The following TRIM16 variants were observed in gnomAD, a reference collection of about 807,000 sequenced individuals.
TRIM16 encodes tripartite motif-containing protein 16.
In TRIM16, 33 loss-of-function variants were observed where a neutral mutation model predicts 50.4. That is an observed-to-expected ratio of 0.65 (90% confidence interval 0.50 to 0.88). TRIM16 has a LOEUF of 0.88. Ranked by LOEUF, TRIM16 falls within the 40% of genes least tolerant of loss-of-function variation. The pLI is 0.00. For missense variants in TRIM16, 581 were observed against 686.8 expected (o/e 0.85, Z 1.72); for synonymous variants, 229 against 270.7 (o/e 0.85, Z 1.51).
At chr17:15,675,237 A>C (rs1988877695) in intron 6 of TRIM16, among the ~76,000 whole-genome samples, 1 of 152,206 alleles carries the variant, frequency 6.6e-6, no homozygotes, top group African/African-American at 2.4e-5. Context: ...TTTGCAAGAG[A>C]AAATAACCAG....
intron 6 of TRIM16, among the ~76,000 whole-genome samples, chr17:15,659,503 T>G (rs915989649): frequency 6.6e-6 from 1 of 152,214 alleles, no homozygotes; most frequent in African/African-American, 2.4e-5. Flanking sequence ...TGACATTTTA[T>G]GCGGCACATA....
Position 15,632,805 on chromosome 17 carries a change from ATGTGAAG to A in TRIM16, c.850-138_850-132del, listed in dbSNP as rs58243132. The A allele has an allele frequency of 7.5e-3, 9,439 of 1,254,032 alleles. 522 individuals are homozygous for A. The African/African-American group carries it at 0.13, about 17-fold the overall frequency. The allele number at this position is 1,254,032 out of a possible 1,614,324, so 77.7% of individuals were successfully genotyped here. A position where few individuals can be genotyped will look rare whatever the true frequency, so the allele number is the denominator to read the frequency against. ...AATGTGTCCTTCACAAAGAAAGTAC[ATGTGAAG>A]TGTCAAGCTCAGGGTCTAACAAAAT... On this transcript the variant is annotated intron_variant, in intron 9 of 11. Transcript: ENST00000649191.
intron 6 of TRIM16, among the ~76,000 whole-genome samples, chr17:15,671,364 A>G (rs1286277440): frequency 2.8e-5 from 4 of 141,200 alleles, no homozygotes; most frequent in Admixed American, 7.3e-5. Context: ...ATAATTTTAT[A>G]GTATTCTTAA....
intron 6 of TRIM16, chr17:15,658,711 A>T (rs1438369706): frequency 2.1e-5 from 16 of 764,708 alleles, no homozygotes; most frequent in Non-Finnish European, 2.5e-5. Flanking sequence ...TCACTTTGCA[A>T]TTTTTCTCGT....
chr17:15,666,420 T>C (rs898925022), intron 6 of TRIM16, among the ~76,000 whole-genome samples: 7 of 152,160 alleles, frequency 4.6e-5, no homozygotes, highest in African/African-American at 1.7e-4. Context: ...TTTACTGAGG[T>C]ATACTTTACA....
intron 7 of TRIM16, 99 bp downstream of exon 7, chr17:15,650,991 GC>G: frequency 6.7e-7 from 1 of 1,482,130 alleles, no homozygotes; most frequent in South Asian, 1.3e-5. Flanking sequence ...TATGCTCAGA[GC>G]ATAGTAGTGG....
At chr17:15,646,968 TC>T (rs908929325) in intron 7 of TRIM16, among the ~76,000 whole-genome samples, 4 of 151,206 alleles carry the variant, frequency 2.6e-5, no homozygotes, top group South Asian at 2.1e-4. Flanking sequence ...TGAAATAAAT[TC>T]TTTTTTTTTT....
rs752619558 is a variant in TRIM16, at chr17:15,629,201, G to A, written c.1112-3C>T. 5 of 1,595,778 alleles carry A rather than the reference G, an allele frequency of 3.1e-6. No homozygotes were observed. The Admixed American group carries it at 8.5e-5, about 27-fold the overall frequency. ...GTCAAACGTGATGTCATACGCATCTGAGGAGACACAGAAGGCAGGAGAGTG... is the reference window on the plus strand; with the variant it reads ...GTCAAACGTGATGTCATACGCATCTAAGGAGACACAGAAGGCAGGAGAGTG... On this transcript the variant is annotated splice_region_variant and splice_polypyrimidine_tract_variant and intron_variant, in intron 11 of 11. Transcript: ENST00000649191.
At chr17:15,637,218 T>G (rs1435443439) in intron 8 of TRIM16, among the ~76,000 whole-genome samples, 4 of 84,102 alleles carry the variant, frequency 4.8e-5, no homozygotes, top group Non-Finnish European at 6.9e-5. Context: ...GGGAGGGAGG[T>G]GGGGGGGTCA....
At chr17:15,631,379 C>T (rs923619116) in intron 11 of TRIM16, among the ~76,000 whole-genome samples, 1 of 152,130 alleles carries the variant, frequency 6.6e-6, no homozygotes, top group African/African-American at 2.4e-5. Context: ...TTAGGAGAAA[C>T]TGAGTGAAAG....
intron 7 of TRIM16, among the ~76,000 whole-genome samples, chr17:15,650,517 G>A (rs2150918040): frequency 6.6e-6 from 1 of 152,264 alleles, no homozygotes; most frequent in East Asian, 1.9e-4. Flanking sequence ...TAAGCCACCT[G>A]TGACATTATA....
Position 15,628,499 on chromosome 17 carries a change from C to T in TRIM16, c.*116G>A. The T allele has an allele frequency of 1.1e-6, 1 of 916,310 alleles. No individual in the cohort carries two copies. Among genetic ancestry groups the T allele is most frequent in the East Asian group, 2.6e-5 (1 of 37,758 alleles). 56.8% of individuals were successfully genotyped at this position (916,310 alleles called of 1,614,324 possible). ...GCTGGAGAATGTTTTCATTCAGAGA[C>T]CCCATAGGATTTCAAAAGCCAGCTA... On this transcript the variant is annotated 3_prime_UTR_variant, in exon 12 of 12. Coordinates refer to ENST00000649191, the MANE Select transcript of TRIM16 (RefSeq NM_001348119.1).
intron 4 of TRIM16, among the ~76,000 whole-genome samples, chr17:15,679,832 G>A (rs1455749739): frequency 6.6e-6 from 1 of 152,000 alleles, no homozygotes; most frequent in East Asian, 1.9e-4. Flanking sequence ...AGCTACTCGG[G>A]AGGCTGAGGC....
chr17:15,661,318 TGAG>T (rs1988228398), intron 6 of TRIM16, among the ~76,000 whole-genome samples: 3 of 152,308 alleles, frequency 2.0e-5, no homozygotes, highest in African/African-American at 2.4e-5. Flanking sequence ...CAGCAGGATT[TGAG>T]GAGGTGAAGG....
At chr17:15,672,708 A>C (rs1325277483) in intron 6 of TRIM16, among the ~76,000 whole-genome samples, 3 of 152,162 alleles carry the variant, frequency 2.0e-5, no homozygotes, top group Non-Finnish European at 4.4e-5. Context: ...ACTCCAGCCC[A>C]GGCAATAGAG....
chr17:15,675,947 A>T (rs1025498537), intron 6 of TRIM16, among the ~76,000 whole-genome samples: 21 of 151,308 alleles, frequency 1.4e-4, no homozygotes, highest in Non-Finnish European at 2.5e-4. Flanking sequence ...TCTTTGGGTG[A>T]TATTATCCAC....
chr17:15,642,152 A>C (rs1597617531), intron 8 of TRIM16, among the ~76,000 whole-genome samples: 1 of 149,096 alleles, frequency 6.7e-6, no homozygotes, highest in African/African-American at 2.5e-5. Context: ...CCTGTTTTGC[A>C]TTCTCTTCTG....
intron 6 of TRIM16, among the ~76,000 whole-genome samples, chr17:15,663,763 C>T (rs902721829): frequency 6.6e-6 from 1 of 152,192 alleles, no homozygotes; most frequent in African/African-American, 2.4e-5. Context: ...CTTGTCCCTA[C>T]CAGTCTCCAT....
intron 9 of TRIM16, among the ~76,000 whole-genome samples, chr17:15,634,621 A>G: frequency 7.6e-6 from 1 of 131,740 alleles, no homozygotes; most frequent in East Asian, 2.4e-4. Flanking sequence ...ACAAGAGTGA[A>G]ACTCAGTCTC....
Sources: allele counts gnomAD v4.1 joint callset (sites outside exome capture counted in the v4.1 genomes callset), GRCh38; gene constraint gnomAD v4.1.1; transcripts MANE v1.5; gene names NCBI Gene and HGNC (gene_info 2026-07-23, HGNC 2026-07-21).